FHL1: variants seen among roughly 807,000 people sequenced by gnomAD.
FHL1 encodes the protein four and a half LIM domains protein 1.
In FHL1, 1 loss-of-function variant was observed where a neutral mutation model predicts 20.3. The observed-to-expected ratio is 0.05, with a 90% CI of 0.02 to 0.23. The LOEUF is 0.23. FHL1 is among the 10% of genes least tolerant of loss of function. FHL1 has a pLI of 1.00. For missense variants in FHL1, 177 were observed against 234.0 expected (o/e 0.76, Z 1.59); for synonymous variants, 82 against 88.9 (o/e 0.92, Z 0.44).
chrX:136,152,912 T>C (rs1389622308), intron 1 of FHL1, among the ~76,000 whole-genome samples: 1 of 110,622 alleles, frequency 9.0e-6, no homozygotes, highest in Middle Eastern at 4.6e-3. Flanking sequence ...CTTCATTTTC[T>C]ATCTCACCTG....
chrX:136,147,172 T>G (rs1033418191), upstream of FHL1, among the ~76,000 whole-genome samples: 2 of 105,640 alleles, frequency 1.9e-5, no homozygotes, highest in African/African-American at 3.5e-5. Context: ...CGGCCCGCCC[T>G]CCTCCCGGTC....
chrX:136,208,853 A>G (rs759227972), intron 5 of FHL1, among the ~76,000 whole-genome samples: 63 of 107,023 alleles, frequency 5.9e-4, no homozygotes, highest in Non-Finnish European at 1.1e-3. Flanking sequence ...ACTGTTGACT[A>G]ACAATGCTGA....
intron 1 of FHL1, chrX:136,169,771 A>G: frequency 6.0e-6 from 2 of 330,771 alleles, no homozygotes. Context: ...TTTAACTCTA[A>G]GGGTTGTAAA....
intron 1 of FHL1, among the ~76,000 whole-genome samples, chrX:136,203,052 C>T (rs112978772): frequency 2.7e-5 from 3 of 112,524 alleles, no homozygotes; most frequent in Non-Finnish European, 5.6e-5. Context: ...AAGTACGTGA[C>T]GTAAGCTAAT....
chrX:136,164,454 C>T (rs1177931002), intron 1 of FHL1, among the ~76,000 whole-genome samples: 1 of 111,183 alleles, frequency 9.0e-6, no homozygotes, highest in Admixed American at 9.6e-5. Flanking sequence ...GGATTACAGG[C>T]GTGCATCACT....
intron 2 of FHL1, among the ~76,000 whole-genome samples, chrX:136,186,677 ACTCTTTT>A (rs1204404086): frequency 9.2e-6 from 1 of 108,719 alleles, no homozygotes; most frequent in East Asian, 2.9e-4. Flanking sequence ...ACATGGTGAA[ACTCTTTT>A]CTCTACTAAA....
chrX:136,147,293 C>A (rs975499965), upstream of FHL1: 2 of 97,054 alleles, frequency 2.1e-5, no homozygotes, highest in African/African-American at 3.8e-5. Flanking sequence ...GCGCGGGGTG[C>A]GTGGCAAGCC....
intron 1 of FHL1, chrX:136,206,186 A>T: frequency 2.2e-6 from 1 of 461,750 alleles, no homozygotes; most frequent in Non-Finnish European, 3.8e-6. Flanking sequence ...ATCACTAGCC[A>T]TCGGCCATCT....
At chrX:136,206,739 C>T (rs1158178166) in intron 2 of FHL1, 151 bp downstream of exon 2, 1 of 797,674 alleles carries the variant, frequency 1.3e-6, no homozygotes, top group East Asian at 3.2e-5. Context: ...CTCCCCAGGC[C>T]ACAGTGGCCC....
chrX:136,201,007 T>TA (rs1487658344), intron 1 of FHL1, among the ~76,000 whole-genome samples: 1 of 110,657 alleles, frequency 9.0e-6, no homozygotes, highest in Non-Finnish European at 1.9e-5. Flanking sequence ...CTACTAAAAA[T>TA]ACAAAAATTA....
chrX:136,165,445 A>G (rs2072686102), upstream of FHL1, among the ~76,000 whole-genome samples: 1 of 111,898 alleles, frequency 8.9e-6, no homozygotes, highest in Non-Finnish European at 1.9e-5. Context: ...CTATAGTAGC[A>G]TAAGTATTTG....
chrX:136,185,249 T>C (rs1471402731), intron 2 of FHL1, among the ~76,000 whole-genome samples: 1 of 112,385 alleles, frequency 8.9e-6, no homozygotes, highest in Non-Finnish European at 1.9e-5. Context: ...TGTTCCAGTA[T>C]GATAATTTAT....
chrX:136,154,925 T>G (rs1370752017), intron 1 of FHL1, among the ~76,000 whole-genome samples: 4 of 112,105 alleles, frequency 3.6e-5, no homozygotes, highest in Non-Finnish European at 5.6e-5. Flanking sequence ...CAGGCTGGTC[T>G]CAAACTCCTG....
At position 136,202,177 on chromosome X, in the gene FHL1, C is replaced by A. The variant is rs751027578; in HGVS notation, c.23-4230C>A. 3.6e-5 allele frequency among the ~76,000 whole-genome samples: 4 copies of A among 110,326 alleles called. No individual in the cohort carries two copies. In the Admixed American group the frequency reaches 3.9e-4, roughly 11 times the overall value. On this transcript the variant is annotated intron_variant, in intron 1 of 5. Coordinates refer to ENST00000370683, the MANE Select transcript of FHL1 (RefSeq NM_001159699.2). ...GTCAGGAGTTCAAGACCAGCCTGCC[C>A]GACATGGCGAAACCCCGTCTCTACT...
At chrX:136,153,074 T>G (rs2072313623) in intron 1 of FHL1, among the ~76,000 whole-genome samples, 1 of 112,034 alleles carries the variant, frequency 8.9e-6, no homozygotes, top group Non-Finnish European at 1.9e-5. Flanking sequence ...TTTACACAAT[T>G]TAAACATTTG....
upstream of FHL1, among the ~76,000 whole-genome samples, chrX:136,195,200 A>G (rs772757558): frequency 2.7e-4 from 30 of 112,757 alleles, no homozygotes; most frequent in African/African-American, 9.7e-4. Context: ...TGCCTAAAAG[A>G]AGACACTTCC....
At chrX:136,174,633 T>A in intron 2 of FHL1, among the ~76,000 whole-genome samples, 1 of 112,033 alleles carries the variant, frequency 8.9e-6, no homozygotes, top group Non-Finnish European at 1.9e-5. Context: ...GTATTTTGGG[T>A]TGAATCTTCC....
intron 1 of FHL1, among the ~76,000 whole-genome samples, chrX:136,159,692 C>T (rs1423937975): frequency 1.8e-5 from 2 of 112,223 alleles, no homozygotes; most frequent in African/African-American, 3.2e-5. Context: ...CCCAGTACCT[C>T]CAATGCTATG....
intron 1 of FHL1, among the ~76,000 whole-genome samples, chrX:136,199,951 T>TA (rs1343224170): frequency 8.9e-6 from 1 of 111,879 alleles, no homozygotes; most frequent in Non-Finnish European, 1.9e-5. Flanking sequence ...AGGTTTATAG[T>TA]AAAAAAGAAA....
Sources: allele counts gnomAD v4.1 joint callset (sites outside exome capture counted in the v4.1 genomes callset), GRCh38; gene constraint gnomAD v4.1.1; transcripts MANE v1.5; gene names NCBI Gene and HGNC (gene_info 2026-07-23, HGNC 2026-07-21).